Variants in SMARCA2 observed in about 807,000 individuals in gnomAD.
SMARCA2 encodes SWI/SNF-related matrix-associated actin-dependent regulator of chromatin subfamily A member 2.
Under a neutral mutation model 199.8 loss-of-function variants are expected in SMARCA2, and 61 were observed. The ratio of observed to expected loss-of-function variants is 0.31; its 90% CI spans 0.25 to 0.38. The LOEUF (loss-of-function observed/expected upper bound fraction) is 0.38. Ranked by LOEUF, SMARCA2 falls within the 10% of genes least tolerant of loss-of-function variation. The pLI is 1.00. For synonymous variants in SMARCA2, 935 were observed against 732.0 expected, an observed-to-expected ratio of 1.28 and a Z score of -4.48; for missense variants, 1,344 against 2,012.2, an observed-to-expected ratio of 0.67 and a Z score of 6.35.
rs769322005 is a variant in SMARCA2, at chr9:2,191,420, C to T, written c.4737+12C>T. Reference sequence around the variant, plus strand: ...AGCAGGATGAACGTGTAAGTGTAGCCGACTGGGACTGAAGGCGGAGACGCC... The same window carrying T: ...AGCAGGATGAACGTGTAAGTGTAGCTGACTGGGACTGAAGGCGGAGACGCC... On this transcript the variant is annotated intron_variant, in intron 33 of 33. Coordinates refer to ENST00000349721, the MANE Select transcript of SMARCA2 (RefSeq NM_003070.5). 2.0e-5 allele frequency: 33 copies of T among 1,613,714 alleles called. No homozygotes were observed. The highest frequency in any genetic ancestry group is 4.5e-5 in the East Asian group (2 of 44,874).
chr9:2,147,524 A>C (rs1381260399), intron 27 of SMARCA2, among the ~76,000 whole-genome samples: 1 of 152,324 alleles, frequency 6.6e-6, no homozygotes, highest in East Asian at 1.9e-4. Flanking sequence ...TCACAGAAAT[A>C]ACACCTATAA....
chr9:2,034,285 C>T (rs535212449), intron 3 of SMARCA2, among the ~76,000 whole-genome samples: 1 of 149,240 alleles, frequency 6.7e-6, no homozygotes, highest in Admixed American at 6.7e-5. Flanking sequence ...AAGTAAGGCA[C>T]ATTCCCAGGT....
intron 27 of SMARCA2, among the ~76,000 whole-genome samples, chr9:2,141,132 A>G (rs1824442132): frequency 6.7e-6 from 1 of 150,314 alleles, no homozygotes; most frequent in Non-Finnish European, 1.5e-5. Context: ...TCTTAATCCA[A>G]ATTTATTCCC....
At chr9:2,173,222 A>G (rs1826351844) in intron 29 of SMARCA2, among the ~76,000 whole-genome samples, 1 of 152,128 alleles carries the variant, frequency 6.6e-6, no homozygotes, top group Non-Finnish European at 1.5e-5. Flanking sequence ...GTATGTAGTT[A>G]CCTGGCCCTG....
intron 21 of SMARCA2, 76 bp downstream of exon 21, chr9:2,097,547 G>GA (rs1320446469): frequency 1.1e-6 from 1 of 884,096 alleles, no homozygotes; most frequent in Non-Finnish European, 1.7e-6. Flanking sequence ...CAAACAAACA[G>GA]GAAAAAAAAA....
chr9:2,098,375 C>G (rs966954560), intron 21 of SMARCA2, among the ~76,000 whole-genome samples: 1 of 152,176 alleles, frequency 6.6e-6, no homozygotes, highest in African/African-American at 2.4e-5. Flanking sequence ...TTCGAATATT[C>G]TTTTTTGTCC....
At chr9:2,058,992 G>A (rs905438030) in intron 8 of SMARCA2, among the ~76,000 whole-genome samples, 11 of 152,090 alleles carry the variant, frequency 7.2e-5, no homozygotes, top group Non-Finnish European at 1.3e-4. Context: ...TGCCTTTTTT[G>A]TGATAGCCTT....
intron 19 of SMARCA2, among the ~76,000 whole-genome samples, chr9:2,090,487 T>C (rs1404003736): frequency 6.6e-6 from 1 of 152,208 alleles, no homozygotes; most frequent in African/African-American, 2.4e-5. Context: ...GCAAGTCTTC[T>C]AACCTAAATG....
At chr9:2,136,923 C>T (rs952348398) in intron 27 of SMARCA2, among the ~76,000 whole-genome samples, 9 of 152,110 alleles carry the variant, frequency 5.9e-5, no homozygotes, top group Non-Finnish European at 1.3e-4. Context: ...GCAATTTTCC[C>T]TTCCACCATC....
intron 29 of SMARCA2, 96 bp from the exon 30 acceptor site, chr9:2,181,475 T>C: frequency 2.8e-6 from 2 of 716,208 alleles, no homozygotes; most frequent in Non-Finnish European, 5.1e-6. Flanking sequence ...GCGTGGAATA[T>C]AATTTACTTT....
At chr9:2,107,358 G>A (rs568549219) in intron 23 of SMARCA2, among the ~76,000 whole-genome samples, 102 of 152,162 alleles carry the variant, frequency 6.7e-4, no homozygotes, top group Non-Finnish European at 1.1e-3. Flanking sequence ...ACGGAGTCTC[G>A]CTCTGTCCCC....
At chr9:2,172,297 C>G (rs1180285458) in intron 29 of SMARCA2, among the ~76,000 whole-genome samples, 2 of 151,594 alleles carry the variant, frequency 1.3e-5, no homozygotes, top group East Asian at 1.9e-4. Flanking sequence ...GCTATGTCAA[C>G]AAATAATGCA....
intron 3 of SMARCA2, among the ~76,000 whole-genome samples, chr9:2,035,019 T>G (rs962629693): frequency 2.4e-4 from 35 of 146,772 alleles, no homozygotes; most frequent in African/African-American, 9.0e-4. Context: ...TTTATTTATT[T>G]ATTTATTTAT....
intron 4 of SMARCA2, chr9:2,041,240 C>A: frequency 2.5e-6 from 1 of 398,060 alleles, no homozygotes; most frequent in Non-Finnish European, 4.4e-6. Flanking sequence ...ATTGTTATAG[C>A]CTTAAGAATG....
At chr9:2,130,710 CAT>C (rs760558742) in intron 27 of SMARCA2, among the ~76,000 whole-genome samples, 3 of 151,862 alleles carry the variant, frequency 2.0e-5, no homozygotes, top group African/African-American at 7.3e-5. Context: ...TACATACATA[CAT>C]ATATATATAC....
In SMARCA2 at chr9:2,056,993, C is replaced by A; in HGVS notation, c.1347+148C>A. The A allele has an allele frequency of 3.0e-6, 2 of 676,864 alleles. No homozygotes were observed. The highest frequency in any genetic ancestry group is 3.6e-4 in the Middle Eastern group (1 of 2,786). 41.9% of individuals were successfully genotyped at this position (676,864 alleles called of 1,614,324 possible). A position where few individuals can be genotyped will look rare whatever the true frequency, so the allele number is the denominator to read the frequency against. Reference sequence around the variant, plus strand: ...ACGGTTCCTTGACATGTACATAATCCAACCACATCATTTTATAGACAAAGA... The same window carrying A: ...ACGGTTCCTTGACATGTACATAATCAAACCACATCATTTTATAGACAAAGA... On this transcript the variant is annotated intron_variant, in intron 7 of 33. Transcript: ENST00000349721. The surrounding 1 kb of genome is among the most constrained non-coding windows in gnomAD (Gnocchi z 4.0).
chr9:2,188,830 A>G (rs969829361), intron 32 of SMARCA2, among the ~76,000 whole-genome samples: 38 of 152,176 alleles, frequency 2.5e-4, no homozygotes, highest in African/African-American at 8.7e-4. Flanking sequence ...GGTTCTCAGC[A>G]GAGTTCAATT....
chr9:2,165,607 A>C (rs1473349982), intron 28 of SMARCA2, among the ~76,000 whole-genome samples: 3 of 152,236 alleles, frequency 2.0e-5, no homozygotes, highest in African/African-American at 7.2e-5. Flanking sequence ...CTTGTTAAGC[A>C]TGCTTTGTTT....
rs1196170085 is a variant in SMARCA2, at chr9:2,124,145, A to C, written c.3981+208A>C. Among the ~76,000 whole-genome samples the C allele has an allele frequency of 2.0e-5, 3 of 152,230 alleles. No homozygotes were observed. The East Asian group carries it at 5.8e-4, about 29-fold the overall frequency. On this transcript the variant is annotated intron_variant, in intron 27 of 33. Coordinates refer to ENST00000349721, the MANE Select transcript of SMARCA2 (RefSeq NM_003070.5). ...AAAGATAAAGGCGTTCTGCACTTCA[A>C]GGCGGTGCTTGGAAAAAAATATGCA...
Sources: allele counts gnomAD v4.1 joint callset (sites outside exome capture counted in the v4.1 genomes callset), GRCh38; gene constraint gnomAD v4.1.1; non-coding constraint Gnocchi (gnomAD v3.1); transcripts MANE v1.5; gene names NCBI Gene and HGNC (gene_info 2026-07-23, HGNC 2026-07-21).